MAST4: variants seen among roughly 807,000 people sequenced by gnomAD.
The protein encoded by MAST4 is microtubule associated serine/threonine kinase family member 4.
Under a neutral mutation model 162.7 loss-of-function variants are expected in MAST4, and 89 were observed. The ratio of observed to expected loss-of-function variants is 0.55; its 90% CI spans 0.46 to 0.65. The LOEUF (loss-of-function observed/expected upper bound fraction) is 0.65. MAST4 is among the 30% of genes least tolerant of loss of function. The pLI, the probability that MAST4 is intolerant of heterozygous loss-of-function variation, is 0.00. For synonymous variants in MAST4, 1,479 were observed against 1,361.1 expected (o/e 1.09, Z -1.91); for missense variants, 3,153 against 3,374.0 (o/e 0.93, Z 1.62).
chr5:66,912,421 G>A (rs1473932422), intron 4 of MAST4, among the ~76,000 whole-genome samples: 1 of 152,138 alleles, frequency 6.6e-6, no homozygotes, highest in African/African-American at 2.4e-5. Flanking sequence ...CTTATGTCTA[G>A]AATAAATTAA....
At chr5:67,028,908 C>A (rs895518926) in intron 4 of MAST4, among the ~76,000 whole-genome samples, 5 of 151,992 alleles carry the variant, frequency 3.3e-5, no homozygotes, top group Non-Finnish European at 7.4e-5. Context: ...GTGGGTGAAT[C>A]GCTTAAGCCA....
At chr5:66,618,733 A>G (rs914338911) in intron 1 of MAST4, among the ~76,000 whole-genome samples, 1 of 152,208 alleles carries the variant, frequency 6.6e-6, no homozygotes, top group Non-Finnish European at 1.5e-5. Flanking sequence ...TGTTACTCCC[A>G]TTAGGAATAT....
intron 4 of MAST4, among the ~76,000 whole-genome samples, chr5:67,046,665 C>A (rs1380023200): frequency 6.6e-6 from 1 of 152,136 alleles, no homozygotes; most frequent in East Asian, 1.9e-4. Context: ...TGGGCCAGAT[C>A]TCACTGTGGA....
At chr5:66,941,469 CT>C (rs1311526266) in intron 4 of MAST4, among the ~76,000 whole-genome samples, 2 of 152,154 alleles carry the variant, frequency 1.3e-5, no homozygotes, top group Non-Finnish European at 2.9e-5. Flanking sequence ...TTCCTCACCC[CT>C]CTTAGCTCTC....
chr5:67,061,871 T>C (rs983827379), intron 5 of MAST4, among the ~76,000 whole-genome samples: 10 of 150,930 alleles, frequency 6.6e-5, no homozygotes, highest in Non-Finnish European at 1.5e-4. Context: ...TTGGTGAGCC[T>C]ACAAAGGAAG....
intron 1 of MAST4, among the ~76,000 whole-genome samples, chr5:66,620,464 A>G (rs904139417): frequency 6.6e-6 from 1 of 152,196 alleles, no homozygotes; most frequent in Non-Finnish European, 1.5e-5. Context: ...ATTATCTCTA[A>G]TACTTGCCGT....
At chr5:66,699,847 C>T (rs1561271088) in intron 1 of MAST4, among the ~76,000 whole-genome samples, 1 of 151,774 alleles carries the variant, frequency 6.6e-6, no homozygotes, top group Non-Finnish European at 1.5e-5. Context: ...TTGATGGGTG[C>T]AGCAAACCAC....
chr5:66,965,225 C>CTT lies in MAST4; in HGVS notation c.674+65259_674+65260dup, dbSNP rs1187971815. Among the ~76,000 whole-genome samples the CTT allele has an allele frequency of 3.0e-3, 251 of 84,840 alleles. 2 individuals carry two copies. Among genetic ancestry groups the CTT allele is most frequent in the African/African-American group, 9.6e-3 (210 of 21,816 alleles). The allele number at this position is 84,840 out of a possible 152,430, so 55.7% of individuals were successfully genotyped here. ...AAGAGTAGTTTTTTTTTTTTTTTTGCTTTTTTTTTTTTTTTTTCCCTATCT... is the reference window on the plus strand; with the variant it reads ...AAGAGTAGTTTTTTTTTTTTTTTTGCTTTTTTTTTTTTTTTTTTTCCCTATCT... On this transcript the variant is annotated intron_variant, in intron 4 of 28. Transcript: ENST00000403625.
intron 5 of MAST4, among the ~76,000 whole-genome samples, chr5:67,057,473 C>T (rs1758978558): frequency 6.6e-6 from 1 of 151,634 alleles, no homozygotes; most frequent in Non-Finnish European, 1.5e-5. Context: ...GGGGTGTCAG[C>T]AGTGCTCTGG....
Position 66,762,974 on chromosome 5 carries a change from G to T in MAST4, c.517+3112G>T, listed in dbSNP as rs545279809. 1.4e-4 allele frequency among the ~76,000 whole-genome samples: 22 copies of T among 152,252 alleles called. No individual in the cohort carries two copies. The East Asian group carries it at 4.0e-3, about 28-fold the overall frequency. ...ATATTAAAAGCTTACTGTGTAGCAGGCATTGTGTTTAGGGAATTATATTTA... is the reference window on the plus strand; with the variant it reads ...ATATTAAAAGCTTACTGTGTAGCAGTCATTGTGTTTAGGGAATTATATTTA... On this transcript the variant is annotated intron_variant, in intron 2 of 28. Transcript: ENST00000403625.
intron 1 of MAST4, among the ~76,000 whole-genome samples, chr5:66,694,718 C>A (rs1309661764): frequency 6.6e-6 from 1 of 152,148 alleles, no homozygotes; most frequent in Non-Finnish European, 1.5e-5. Context: ...AACTCCTGAT[C>A]TCAGGTGATC....
At chr5:66,900,380 A>G (rs2149978887) in intron 4 of MAST4, among the ~76,000 whole-genome samples, 1 of 152,180 alleles carries the variant, frequency 6.6e-6, no homozygotes, top group Admixed American at 6.5e-5. Flanking sequence ...TTGAATCTGA[A>G]TTGGAGACTT....
chr5:66,687,077 C>CT (rs1335054385), intron 1 of MAST4, among the ~76,000 whole-genome samples: 5 of 151,866 alleles, frequency 3.3e-5, no homozygotes, highest in South Asian at 2.1e-4. Flanking sequence ...TTTCTAGCAG[C>CT]TTTTTTTTGT....
At chr5:67,087,322 A>G (rs898466471) in intron 5 of MAST4, among the ~76,000 whole-genome samples, 25 of 152,056 alleles carry the variant, frequency 1.6e-4, no homozygotes, top group African/African-American at 6.0e-4. Context: ...TTGACCTTCC[A>G]TGTCCTGGTC....
At chr5:66,713,437 C>T (rs1750621145) in intron 1 of MAST4, among the ~76,000 whole-genome samples, 2 of 152,178 alleles carry the variant, frequency 1.3e-5, no homozygotes, top group Admixed American at 1.3e-4. Context: ...TACCCCTGAG[C>T]ATGAGCTCTA....
intron 1 of MAST4, among the ~76,000 whole-genome samples, chr5:66,675,093 T>G (rs1747860875): frequency 6.6e-6 from 1 of 152,214 alleles, no homozygotes; most frequent in Non-Finnish European, 1.5e-5. Context: ...CATTCTGAAC[T>G]GCCCTCGCCT....
Position 66,785,062 on chromosome 5 carries a change from G to A in MAST4, c.518-3608G>A, listed in dbSNP as rs144710302. ...CCATTGTACAACATGGTAAAACCCC[G>A]TCTCTACTAAAAACAAAAATTAGCT... On this transcript the variant is annotated intron_variant, in intron 2 of 28. Coordinates refer to ENST00000403625, the MANE Select transcript of MAST4 (RefSeq NM_001164664.2). 3.7e-3 allele frequency among the ~76,000 whole-genome samples: 557 copies of A among 152,194 alleles called. 2 individuals carry two copies. Among genetic ancestry groups the A allele is most frequent in the Non-Finnish European group, 6.2e-3 (424 of 67,998 alleles).
intron 4 of MAST4, among the ~76,000 whole-genome samples, chr5:66,924,311 A>G (rs774141418): frequency 6.6e-6 from 1 of 152,148 alleles, no homozygotes; most frequent in East Asian, 1.9e-4. Flanking sequence ...TGATATGTGT[A>G]TCCCTATTAT....
intron 3 of MAST4, among the ~76,000 whole-genome samples, chr5:66,794,393 A>G (rs1442361115): frequency 6.6e-6 from 1 of 152,202 alleles, no homozygotes; most frequent in Non-Finnish European, 1.5e-5. Flanking sequence ...TGAGGATTAA[A>G]TGAATGAACT....
Sources: allele counts gnomAD v4.1 joint callset (sites outside exome capture counted in the v4.1 genomes callset), GRCh38; gene constraint gnomAD v4.1.1; transcripts MANE v1.5; gene names NCBI Gene and HGNC (gene_info 2026-07-23, HGNC 2026-07-21).